MX2: variants seen among roughly 807,000 people sequenced by gnomAD.
MX2 encodes the protein MX dynamin like GTPase 2.
Under a neutral mutation model 74.0 loss-of-function variants are expected in MX2, and 51 were observed. That is an observed-to-expected ratio of 0.69 (90% CI 0.55 to 0.87). The LOEUF (loss-of-function observed/expected upper bound fraction) is 0.87, where lower values mean the gene tolerates loss of function less well. Among genes scored for constraint, MX2 ranks in the 40% least tolerant of loss-of-function variants. MX2 has a pLI of 0.00. For missense variants in MX2, 832 were observed against 908.7 expected (o/e 0.92, Z 1.09); for synonymous variants, 369 against 339.3 (o/e 1.09, Z -0.96).
At position 41,380,832 on chromosome 21, in the gene MX2, C is replaced by T. The variant is rs183012347; in HGVS notation, c.577+681C>T. On this transcript the variant is annotated intron_variant, in intron 4 of 13. Coordinates refer to ENST00000330714, the MANE Select transcript of MX2 (RefSeq NM_002463.2). The surrounding 1 kb of genome is among the most constrained non-coding windows in gnomAD (Gnocchi z 4.3). ...CCCTTGGAGTGCACAGCCCTGCCTG[C>T]CCCAGGCACTGGAGCCTCTCAACCT... 2.5e-4 allele frequency among the ~76,000 whole-genome samples: 38 copies of T among 152,338 alleles called. No homozygotes were observed. The highest frequency in any genetic ancestry group is 2.1e-3 in the Admixed American group (32 of 15,310).
chr21:41,384,577 C>T lies in MX2; in HGVS notation c.732+2013C>T, dbSNP rs116194203. 7.7e-3 allele frequency among the ~76,000 whole-genome samples: 1,174 copies of T among 152,266 alleles called. 20 individuals are homozygous for T. Among genetic ancestry groups the T allele is most frequent in the African/African-American group, 0.027 (1,110 of 41,526 alleles). On this transcript the variant is annotated intron_variant, in intron 5 of 13. Transcript: ENST00000330714. ...AATTACAGCCACGTGCCCTATGGGA[C>T]TGGTTAATCCCTAACAGTGAGTTAT...
Position 41,407,012 on chromosome 21 carries a change from G to C in MX2, c.1905+14G>C, listed in dbSNP as rs371632332. The C allele has an allele frequency of 1.7e-5, 27 of 1,607,684 alleles. No homozygotes were observed. Among genetic ancestry groups the C allele is most frequent in the Non-Finnish European group, 2.0e-5 (23 of 1,175,158 alleles). Reference sequence around the variant, plus strand: ...GCCTACTTCTTGGTGAGTTCCCGGCGGGGCAGGAGCCGTGCTCTCTGAAAT... The same window carrying C: ...GCCTACTTCTTGGTGAGTTCCCGGCCGGGCAGGAGCCGTGCTCTCTGAAAT... On this transcript the variant is annotated intron_variant, in intron 13 of 13. Transcript: ENST00000330714.
In MX2 at chr21:41,408,277, A is replaced by G; in HGVS notation, c.*44A>G. 6.2e-7 allele frequency: 1 copy of G among 1,603,610 alleles called. No individual in the cohort carries two copies. Among genetic ancestry groups the G allele is most frequent in the Non-Finnish European group, 8.5e-7 (1 of 1,174,256 alleles). ...GTTGTTTTCTTGTGCGTACTCATTCATTCTAAGGGGAGTCGGTGCAGGATG... is the reference window on the plus strand; with the variant it reads ...GTTGTTTTCTTGTGCGTACTCATTCGTTCTAAGGGGAGTCGGTGCAGGATG... On this transcript the variant is annotated 3_prime_UTR_variant, in exon 14 of 14. Transcript: ENST00000330714.
chr21:41,381,664 G>A lies in MX2; in HGVS notation c.578-746G>A, dbSNP rs188299846. Among the ~76,000 whole-genome samples the A allele has an allele frequency of 3.6e-3, 454 of 127,398 alleles. 2 individuals are homozygous for A. The highest frequency in any genetic ancestry group is 0.013 in the African/African-American group (417 of 32,160). The allele number at this position is 127,398 out of a possible 152,430, so 83.6% of individuals were successfully genotyped here. ...CGTGCCACTGCACTCCAGCCTGGGC[G>A]ACAGAGCGAGACTCTGTCTCAAAAA... On this transcript the variant is annotated intron_variant, in intron 4 of 13. Transcript: ENST00000330714.
chr21:41,380,796 A>G lies in MX2; in HGVS notation c.577+645A>G, dbSNP rs1045791630. Among the ~76,000 whole-genome samples, 5 of 152,114 alleles carry G rather than the reference A, an allele frequency of 3.3e-5. No homozygotes were observed. Among genetic ancestry groups the G allele is most frequent in the African/African-American group, 4.8e-5 (2 of 41,430 alleles). ...ACACCCTTCTCCCCCGAGGGGCCCT[A>G]GTGGTTACGTCCCTTGGAGTGCACA... On this transcript the variant is annotated intron_variant, in intron 4 of 13. Transcript: ENST00000330714. This position sits in a 1 kb window ranked among gnomAD's most constrained non-coding sequence, Gnocchi z 4.3.
At chr21:41,399,401 C>T in intron 10 of MX2, 64 bp downstream of exon 10, 1 of 1,531,274 alleles carries the variant, frequency 6.5e-7, no homozygotes, top group South Asian at 1.2e-5. Context: ...AGGCTATGTC[C>T]AGCACATGAT....
At chr21:41,376,793 T>C in intron 1 of MX2, 43 bp from the exon 2 acceptor site, 2 of 1,502,448 alleles carry the variant, frequency 1.3e-6, no homozygotes, top group Non-Finnish European at 1.8e-6. Flanking sequence ...CAGGGAGGAC[T>C]TCTGGTGACC....
rs1173000027 is a variant in MX2, at chr21:41,368,096, G to A, written c.-72+6041G>A. Among the ~76,000 whole-genome samples the A allele has an allele frequency of 2.0e-5, 3 of 152,148 alleles. No homozygotes were observed. Among genetic ancestry groups the A allele is most frequent in the Middle Eastern group, 3.2e-3 (1 of 316 alleles). Reference sequence around the variant, plus strand: ...TATACTGGGCTGCGGAAGCTCCCACGTGGGGACCAAGCCCTGGAGAGGAAC... The same window carrying A: ...TATACTGGGCTGCGGAAGCTCCCACATGGGGACCAAGCCCTGGAGAGGAAC... On this transcript the variant is annotated intron_variant, in intron 1 of 13. Transcript: ENST00000330714. The surrounding 1 kb of genome is among the most constrained non-coding windows in gnomAD (Gnocchi z 4.6).
chr21:41,397,786 C>A, intron 8 of MX2, 95 bp downstream of exon 8: 1 of 935,326 alleles, frequency 1.1e-6, no homozygotes, highest in African/African-American at 1.6e-5. Context: ...CTGATCTGTC[C>A]AAACAAGCAA....
intron 13 of MX2, among the ~76,000 whole-genome samples, chr21:41,407,531 C>A (rs2089902768): frequency 6.6e-6 from 1 of 152,182 alleles, no homozygotes; most frequent in Non-Finnish European, 1.5e-5. Context: ...TTTTAAACTG[C>A]AAAGACACCC....
At position 41,402,193 on chromosome 21, in the gene MX2, T is replaced by G. The variant is rs539623347; in HGVS notation, c.1573+65T>G. 2.0e-6 allele frequency: 3 copies of G among 1,529,120 alleles called. No individual in the cohort carries two copies. The highest frequency in any genetic ancestry group is 8.8e-7 in the Non-Finnish European group (1 of 1,135,234). 94.7% of individuals were successfully genotyped at this position (1,529,120 alleles called of 1,614,324 possible). A position where few individuals can be genotyped will look rare whatever the true frequency, so the allele number is the denominator to read the frequency against. ...ATACCTTCCATAGACCCCAGTGCCT[T>G]GGAGGGAGAGATTGGAATGGAGTTA... On this transcript the variant is annotated intron_variant, in intron 11 of 13. Coordinates refer to ENST00000330714, the MANE Select transcript of MX2 (RefSeq NM_002463.2). The surrounding 1 kb of genome is among the most constrained non-coding windows in gnomAD (Gnocchi z 4.5).
intron 5 of MX2, among the ~76,000 whole-genome samples, chr21:41,383,810 T>TGAG (rs1014063134): frequency 5.3e-5 from 8 of 152,218 alleles, no homozygotes; most frequent in African/African-American, 1.9e-4. Flanking sequence ...TATCACTTGC[T>TGAG]GAGTTAAGTG....
intron 6 of MX2, 42 bp downstream of exon 6, chr21:41,390,745 C>G (rs2089648146): frequency 1.2e-6 from 2 of 1,605,050 alleles, no homozygotes; most frequent in Non-Finnish European, 8.5e-7. Context: ...GTGGCTCAAG[C>G]CTGTAATCCC....
intron 1 of MX2, among the ~76,000 whole-genome samples, chr21:41,369,801 C>T (rs1382766231): frequency 2.0e-5 from 3 of 152,020 alleles, no homozygotes; most frequent in Non-Finnish European, 1.5e-5. Context: ...TCCACAATAG[C>T]GGGGACCTCC....
chr21:41,385,759 A>T (rs957873403), intron 5 of MX2, among the ~76,000 whole-genome samples: 1 of 152,130 alleles, frequency 6.6e-6, no homozygotes, highest in African/African-American at 2.4e-5. Flanking sequence ...CACAGGCAAC[A>T]TTTATTAAGT....
At chr21:41,393,110 C>CAAAAAAAAAAAAAAAAAAAAAGA (rs2089684043) in intron 6 of MX2, among the ~76,000 whole-genome samples, 3 of 60,028 alleles carry the variant, frequency 5.0e-5, no homozygotes, top group East Asian at 5.1e-4. Context: ...CTCAAAAAAG[C>CAAAAAAAAAAAAAAAAAAAAAGA]AAAAAAAAAA....
At position 41,366,267 on chromosome 21, in the gene MX2, T is replaced by C. The variant is rs750858458; in HGVS notation, c.-72+4212T>C. On this transcript the variant is annotated intron_variant, in intron 1 of 13. Transcript: ENST00000330714. The surrounding 1 kb of genome is among the most constrained non-coding windows in gnomAD (Gnocchi z 4.5). ...GCACAGTTTGGGGAACATAGTCTTA[T>C]AGATTTGATGAATTCCCTTTTTGCA... 1.3e-5 allele frequency: 2 copies of C among 152,248 alleles called. No homozygotes were observed. The highest frequency in any genetic ancestry group is 1.9e-4 in the East Asian group (1 of 5,206). 9.4% of individuals were successfully genotyped at this position (152,248 alleles called of 1,614,324 possible).
Position 41,380,212 on chromosome 21 carries a change from C to T in MX2, c.577+61C>T, listed in dbSNP as rs543601674. The T allele has an allele frequency of 6.2e-7, 1 of 1,603,530 alleles. No individual in the cohort carries two copies. The highest frequency in any genetic ancestry group is 2.2e-5 in the East Asian group (1 of 44,734). ...GCCGCTCCTCTCACTTCCTCGGTTCCTTCTCCTCTTCCTCAAGTCACCCCC... is the reference window on the plus strand; with the variant it reads ...GCCGCTCCTCTCACTTCCTCGGTTCTTTCTCCTCTTCCTCAAGTCACCCCC... On this transcript the variant is annotated intron_variant, in intron 4 of 13. Transcript: ENST00000330714. This position sits in a 1 kb window ranked among gnomAD's most constrained non-coding sequence, Gnocchi z 4.3.
At chr21:41,379,971 C>T in intron 3 of MX2, 46 bp from the exon 4 acceptor site, 1 of 1,607,756 alleles carries the variant, frequency 6.2e-7, no homozygotes, top group Non-Finnish European at 8.5e-7. Flanking sequence ...CCCAGTGCCA[C>T]TTCTTTAAAA....
Sources: allele counts gnomAD v4.1 joint callset (sites outside exome capture counted in the v4.1 genomes callset), GRCh38; gene constraint gnomAD v4.1.1; non-coding constraint Gnocchi (gnomAD v3.1); transcripts MANE v1.5; gene names NCBI Gene and HGNC (gene_info 2026-07-23, HGNC 2026-07-21).